RNASET2: variants seen among roughly 807,000 people sequenced by gnomAD.
RNASET2 encodes ribonuclease T2.
Under a neutral mutation model 33.9 loss-of-function variants are expected in RNASET2, and 28 were observed. The ratio of observed to expected loss-of-function variants is 0.83; its 90% CI spans 0.61 to 1.13. The LOEUF (loss-of-function observed/expected upper bound fraction) is 1.13, where lower values mean the gene tolerates loss of function less well. Ranked by LOEUF, RNASET2 falls within the 50% of genes most tolerant of loss-of-function variation. The pLI is 0.00. For missense variants in RNASET2, 330 were observed against 319.9 expected (o/e 1.03, Z -0.24); for synonymous variants, 123 against 121.0 (o/e 1.02, Z -0.11).
In RNASET2 at chr6:166,938,913, C is replaced by G; in HGVS notation, c.428G>C (p.Arg143Thr). 6.2e-7 allele frequency: 1 copy of G among 1,613,508 alleles called. No individual in the cohort carries two copies. Among genetic ancestry groups the G allele is most frequent in the Non-Finnish European group, 8.5e-7 (1 of 1,179,516 alleles). ...KYFGRSLELY[R>T]ELDLNSVLLK... is the part of the protein sequence containing the mutation. The stretch of plus-strand genomic sequence containing the variant: ...CACCCACCTGTTGAGGTCCAGCTCC[C>G]TGTAGAGTTCCAGGCTTCTGCCAAA... The change falls in exon 6 of 9, where the codon AGG (arginine) becomes ACG (threonine). Residue 143 changes from arginine (R) to threonine (T), a missense_variant. Physicochemically the swap from Arg to Thr is moderately conservative, Grantham distance 71 (BLOSUM62 -1). Coordinates refer to ENST00000508775, the MANE Select transcript of RNASET2 (RefSeq NM_003730.6).
At chr6:166,941,146 G>A (rs911447613) in intron 5 of RNASET2, among the ~76,000 whole-genome samples, 4 of 152,206 alleles carry the variant, frequency 2.6e-5, no homozygotes, top group Admixed American at 2.0e-4. Flanking sequence ...TTGTGTGTGA[G>A]ATTTATCTTT....
At position 166,941,825 on chromosome 6, in the gene RNASET2, T is replaced by C. The variant is rs562104861; in HGVS notation, c.332+1194A>G. Among the ~76,000 whole-genome samples the C allele has an allele frequency of 3.3e-5, 5 of 152,346 alleles. No individual in the cohort carries two copies. The East Asian group carries it at 9.6e-4, about 29-fold the overall frequency. ...CAATATTGAAGTGGGATAGAGAAAATAATTACCTTCAGTTAATATAATGTT... is the reference window on the plus strand; with the variant it reads ...CAATATTGAAGTGGGATAGAGAAAACAATTACCTTCAGTTAATATAATGTT... On this transcript the variant is annotated intron_variant, in intron 5 of 8. Coordinates refer to ENST00000508775, the MANE Select transcript of RNASET2 (RefSeq NM_003730.6).
intron 6 of RNASET2, among the ~76,000 whole-genome samples, chr6:166,936,481 G>GAACC (rs1353122540): frequency 6.6e-6 from 1 of 152,178 alleles, no homozygotes; most frequent in Non-Finnish European, 1.5e-5. Context: ...GAGAAGCATG[G>GAACC]AACCAGATTC....
chr6:166,938,841 G>T, intron 6 of RNASET2, 54 bp downstream of exon 6: 2 of 1,287,854 alleles, frequency 1.6e-6, no homozygotes, highest in Non-Finnish European at 2.3e-6. Flanking sequence ...GTCAGGCTTG[G>T]GCGACAGCAG....
chr6:166,940,404 A>C (rs887260511), intron 5 of RNASET2, among the ~76,000 whole-genome samples: 1 of 152,250 alleles, frequency 6.6e-6, no homozygotes, highest in African/African-American at 2.4e-5. Context: ...AGGAACGATG[A>C]AAGTGGATGA....
At chr6:166,955,306 ACGACACACACG>A (rs1562507236) in intron 1 of RNASET2, among the ~76,000 whole-genome samples, 1 of 33,308 alleles carries the variant, frequency 3.0e-5, no homozygotes, top group East Asian at 1.2e-3. Flanking sequence ...ACGCGCACAC[ACGACACACACG>A]CACACACACG....
chr6:166,934,419 G>A (rs539510219), intron 6 of RNASET2: 37 of 428,828 alleles, frequency 8.6e-5, no homozygotes, highest in South Asian at 7.2e-4. Context: ...ACCGAGTGGA[G>A]CTGGCACACA....
chr6:166,956,497 C>A lies in RNASET2; in HGVS notation c.-315G>T, dbSNP rs1779170212. 3 of 429,310 alleles carry A rather than the reference C, an allele frequency of 7.0e-6. No individual in the cohort carries two copies. Among genetic ancestry groups the A allele is most frequent in the Non-Finnish European group, 1.3e-5 (3 of 236,226 alleles). The allele number at this position is 429,310 out of a possible 1,614,324, so 26.6% of individuals were successfully genotyped here. On this transcript the variant is annotated 5_prime_UTR_variant, in exon 1 of 9. Transcript: ENST00000508775. ...GCTTCGCGACCCACAGCGACCCCAGCTCCTCCACGCTGCAGCCGCCGTCCG... is the reference window on the plus strand; with the variant it reads ...GCTTCGCGACCCACAGCGACCCCAGATCCTCCACGCTGCAGCCGCCGTCCG...
chr6:166,924,375 A>C lies in RNASET2; in HGVS notation c.*5213T>G, dbSNP rs566984932. Among the ~76,000 whole-genome samples the C allele has an allele frequency of 6.6e-6, 1 of 152,308 alleles. No homozygotes were observed. Among genetic ancestry groups the C allele is most frequent in the East Asian group, 1.9e-4 (1 of 5,186 alleles). On this transcript the variant is annotated 3_prime_UTR_variant, in exon 9 of 9. Transcript: ENST00000508775. ...TGGCCTCCCAAAGTGCTGGTATTAC[A>C]GGCATGAGCCACCACGCCCGGCCTC...
intron 3 of RNASET2, 132 bp downstream of exon 3, chr6:166,948,438 A>T (rs763405175): frequency 1.9e-5 from 14 of 731,690 alleles, no homozygotes; most frequent in South Asian, 2.9e-5. Flanking sequence ...AGATATTTTT[A>T]AATAAGAATC....
chr6:166,942,114 G>A (rs1442625329), intron 5 of RNASET2, among the ~76,000 whole-genome samples: 1 of 142,670 alleles, frequency 7.0e-6, no homozygotes, highest in East Asian at 2.1e-4. Flanking sequence ...GTACAGTGGT[G>A]CAATCTCGGC....
At chr6:166,946,514 T>G (rs1261354370) in intron 4 of RNASET2, 168 bp downstream of exon 4, 4 of 640,900 alleles carry the variant, frequency 6.2e-6, no homozygotes, top group Non-Finnish European at 1.1e-5. Flanking sequence ...TTGGTGTAAT[T>G]TGTGGGGTCG....
intron 4 of RNASET2, chr6:166,945,334 C>G (rs1162096050): frequency 6.4e-6 from 1 of 155,696 alleles, no homozygotes; most frequent in Non-Finnish European, 1.4e-5. Context: ...TCAATGTATC[C>G]TGAAGTGGCC....
chr6:166,946,997 A>C (rs1352385303), intron 3 of RNASET2: 2 of 521,480 alleles, frequency 3.8e-6, no homozygotes, highest in Non-Finnish European at 6.9e-6. Flanking sequence ...CTGCTTAGTA[A>C]AGGAAGTGCA....
chr6:166,942,211 C>T (rs937284727), intron 5 of RNASET2, among the ~76,000 whole-genome samples: 3 of 151,982 alleles, frequency 2.0e-5, no homozygotes, highest in Non-Finnish European at 2.9e-5. Flanking sequence ...CGCCATCATG[C>T]CCAGCTAATT....
At chr6:166,955,446 A>AAC in intron 1 of RNASET2, 5 of 979,008 alleles carry the variant, frequency 5.1e-6, no homozygotes, top group Non-Finnish European at 6.1e-6. Context: ...GAGCCAAGGG[A>AAC]AGGGATTCAG....
Position 166,956,144 on chromosome 6 carries a change from G to A in RNASET2, c.39C>T (p.Cys13=). The A allele has an allele frequency of 1.3e-6, 2 of 1,551,126 alleles. No homozygotes were observed. The highest frequency in any genetic ancestry group is 1.7e-6 in the Non-Finnish European group (2 of 1,146,926). ...PAALRGALLG[C]LCLALLCLGG... ...CCAGGCAAAGCAACGCCAGGCAGAG[G>A]CAGCCCAGCAGGGCCCCGCGCAGGG... Residue 13 remains cysteine, a synonymous_variant, in exon 1 of 9, where the codon TGC becomes TGT. Coordinates refer to ENST00000508775, the MANE Select transcript of RNASET2 (RefSeq NM_003730.6).
At chr6:166,952,434 C>G in intron 2 of RNASET2, 54 bp downstream of exon 2, 1 of 1,506,306 alleles carries the variant, frequency 6.6e-7, no homozygotes, top group South Asian at 1.1e-5. Context: ...GCACACAAAC[C>G]CCTCTTCACA....
Position 166,928,663 on chromosome 6 carries a change from C to T in RNASET2, c.*925G>A, listed in dbSNP as rs1056775090. On this transcript the variant is annotated 3_prime_UTR_variant, in exon 9 of 9. Coordinates refer to ENST00000508775, the MANE Select transcript of RNASET2 (RefSeq NM_003730.6). ...GGAGAAGACAATGCTAACAGGTTGT[C>T]TTAACAACACATGGAAAGCTCCTCA... 3.3e-5 allele frequency among the ~76,000 whole-genome samples: 5 copies of T among 152,198 alleles called. No homozygotes were observed. The highest frequency in any genetic ancestry group is 1.2e-4 in the African/African-American group (5 of 41,428).
Sources: gnomAD v4.1 joint callset for allele counts (sites outside exome capture counted in the v4.1 genomes callset) on GRCh38, gnomAD v4.1.1 for gene constraint, MANE v1.5 for transcripts, NCBI Gene and HGNC (gene_info 2026-07-23, HGNC 2026-07-21) for gene names.